Variants in ABCC6 observed in about 807,000 individuals in gnomAD.
ABCC6 encodes the protein ATP binding cassette subfamily C member 6, also known as ATP-binding cassette sub-family C member 6.
In ABCC6, 126 loss-of-function variants were observed where a neutral mutation model predicts 169.5. The ratio of observed to expected loss-of-function variants is 0.74; its 90% confidence interval spans 0.64 to 0.86. ABCC6 has a LOEUF of 0.86. Ranked by LOEUF, ABCC6 falls within the 40% of genes least tolerant of loss-of-function variation. The pLI is 0.00. For synonymous variants in ABCC6, 752 were observed against 814.7 expected (o/e 0.92, Z 1.31); for missense variants, 1,733 against 1,927.2 (o/e 0.90, Z 1.89).
intron 30 of ABCC6, 136 bp downstream of exon 30, chr16:16,150,442 G>A (rs984793182): frequency 1.3e-5 from 20 of 1,497,870 alleles, no homozygotes; most frequent in Admixed American, 6.2e-5. Flanking sequence ...ATGTGTTCCC[G>A]GGCATTCCTC....
Position 16,203,744 on chromosome 16 carries a change from A to T in ABCC6, c.795-131T>A, listed in dbSNP as rs1195619096. The T allele has an allele frequency of 2.0e-5, 20 of 996,852 alleles. No individual in the cohort carries two copies. In the Admixed American group the frequency reaches 3.4e-4, roughly 17 times the overall value. The allele number at this position is 996,852 out of a possible 1,614,324, so 61.8% of individuals were successfully genotyped here. On this transcript the variant is annotated intron_variant, in intron 7 of 30. Transcript: ENST00000205557. ...GGTGTGGATCTAGCCTGGCTCCCTC[A>T]CCTGTTCCTCCTTATCACCCTGAGT...
chr16:16,151,958 T>C (rs997534421), intron 29 of ABCC6, among the ~76,000 whole-genome samples: 19 of 151,776 alleles, frequency 1.3e-4, no homozygotes, highest in Admixed American at 1.1e-3. Flanking sequence ...TTTGGGAGGC[T>C]GAGGTGGGCG....
intron 6 of ABCC6, among the ~76,000 whole-genome samples, chr16:16,210,162 A>C (rs1267980854): frequency 6.6e-6 from 1 of 151,748 alleles, no homozygotes; most frequent in East Asian, 1.9e-4. Flanking sequence ...TTTGAGATGG[A>C]ATCTCACTCT....
chr16:16,182,262 C>T (rs73524038), intron 17 of ABCC6, 150 bp downstream of exon 17: 14,849 of 926,682 alleles, frequency 0.016, 246 homozygotes, highest in African/African-American at 0.052. Context: ...GCACCTAGCA[C>T]GTGCTTGACG....
chr16:16,210,821 C>T lies in ABCC6; in HGVS notation c.662+1364G>A, dbSNP rs530451263. Among the ~76,000 whole-genome samples, 60 of 152,234 alleles carry T rather than the reference C, an allele frequency of 3.9e-4. No homozygotes were observed. The South Asian group carries it at 4.8e-3, about 12-fold the overall frequency. ...ATTTAATAGCCATTTAGGCCGGGTG[C>T]GGTGGCTTATGCCTGTAATCCCAGC... On this transcript the variant is annotated intron_variant, in intron 6 of 30. Transcript: ENST00000205557.
chr16:16,221,736 G>C lies in ABCC6; in HGVS notation c.132C>G (p.Leu44=). 6.2e-7 allele frequency: 1 copy of C among 1,613,784 alleles called. No individual in the cohort carries two copies. The highest frequency in any genetic ancestry group is 8.5e-7 in the Non-Finnish European group (1 of 1,179,800). ...TAGVWVPPMY[L]WVLGPIYLLF... ...GGAGGTAGATGGGACCAAGGACCCA[G>C]AGGTACATGGGGGGTACCCAGACCC... The change falls in exon 2 of 31, where the codon CTC becomes CTG. Residue 44 remains leucine, a synonymous_variant. Coordinates refer to ENST00000205557, the MANE Select transcript of ABCC6 (RefSeq NM_001171.6).
intron 29 of ABCC6, among the ~76,000 whole-genome samples, chr16:16,151,866 G>T (rs114775439): frequency 6.6e-6 from 1 of 152,016 alleles, no homozygotes; most frequent in African/African-American, 2.4e-5. Context: ...TAATGGATCC[G>T]TCCTCGCTGA....
At position 16,157,722 on chromosome 16, in the gene ABCC6, G is replaced by C; in HGVS notation, c.3823C>G (p.Arg1275Gly). ...IEFRDFGLRYRPELPLAVQGV... is the reference protein window; with the variant it reads ...IEFRDFGLRYGPELPLAVQGV... ...TGCACAGCCAGCGGGAGCTCAGGTC[G>C]GTATCTTAGCCCAAAGTCCCGGAAC... The change falls in exon 27 of 31, where the codon CGA (arginine) becomes GGA (glycine). Residue 1275 changes from arginine to glycine, a missense_variant. Physicochemically the swap from Arg to Gly is moderately radical, Grantham distance 125. Around this residue, in one of 5 missense-constraint regions of ABCC6, gnomAD observed 1,601 missense variants for 1,635.5 expected, o/e 0.98. Transcript: ENST00000205557. The C allele has an allele frequency of 6.2e-7, 1 of 1,613,970 alleles. No individual in the cohort carries two copies. The highest frequency in any genetic ancestry group is 8.5e-7 in the Non-Finnish European group (1 of 1,179,950).
chr16:16,150,325 G>A lies in ABCC6; in HGVS notation c.4404-84C>T, dbSNP rs1246113604. The A allele has an allele frequency of 5.0e-6, 8 of 1,593,460 alleles. No individual in the cohort carries two copies. The Admixed American group carries it at 1.1e-4, about 21-fold the overall frequency. ...TGTGAGAGCCCAGTGTGTCTGCGCT[G>A]AGGTTTTCTCCATAGAAGTCCTGCT... On this transcript the variant is annotated intron_variant, in intron 30 of 30. Coordinates refer to ENST00000205557, the MANE Select transcript of ABCC6 (RefSeq NM_001171.6).
chr16:16,182,369 A>G, intron 17 of ABCC6, 43 bp downstream of exon 17: 1 of 1,611,706 alleles, frequency 6.2e-7, no homozygotes. Flanking sequence ...ATGACTCCCA[A>G]CTGCAATGTC....
intron 26 of ABCC6, among the ~76,000 whole-genome samples, 180 bp downstream of exon 26, chr16:16,159,302 C>A (rs1203174615): frequency 6.6e-6 from 1 of 152,170 alleles, no homozygotes; most frequent in African/African-American, 2.4e-5. Flanking sequence ...TGGCTCCAAA[C>A]CTTATGCTCC....
At chr16:16,151,894 C>T (rs72777646) in intron 29 of ABCC6, among the ~76,000 whole-genome samples, 1 of 152,014 alleles carries the variant, frequency 6.6e-6, no homozygotes, top group Non-Finnish European at 1.5e-5. Context: ...CGACATGGCA[C>T]ATAAAAGTGT....
chr16:16,175,498 C>T (rs970392235), intron 20 of ABCC6, among the ~76,000 whole-genome samples: 3 of 152,160 alleles, frequency 2.0e-5, no homozygotes, highest in African/African-American at 4.8e-5. Flanking sequence ...TTCTGGCCAG[C>T]GTCAAGTGAT....
intron 18 of ABCC6, 129 bp from the exon 19 acceptor site, chr16:16,177,755 T>G: frequency 8.8e-7 from 1 of 1,135,154 alleles, no homozygotes; most frequent in Admixed American, 1.9e-5. Flanking sequence ...CCAGCCTGGC[T>G]GACACGGCTA....
At position 16,198,110 on chromosome 16, in the gene ABCC6, C is replaced by A; in HGVS notation, c.1249G>T (p.Val417Leu). ...GDVVNLVSVD[V>L]QRLTESVLYL... ...AGGACGCTCTCGGTCAGCCGCTGCA[C>A]GTCCACGGACACCAGATTGACCACA... The change falls in exon 10 of 31, where the codon GTG becomes TTG. Residue 417 changes from valine (V) to leucine (L), a missense_variant. Physicochemically the swap from Val to Leu is conservative, Grantham distance 32. This residue lies in a region of ABCC6 where 1,601 missense variants were observed against 1,635.5 expected (regional missense o/e 0.98). Transcript: ENST00000205557. The A allele has an allele frequency of 1.2e-6, 2 of 1,613,060 alleles. No individual in the cohort carries two copies. The highest frequency in any genetic ancestry group is 8.5e-7 in the Non-Finnish European group (1 of 1,179,640).
intron 6 of ABCC6, among the ~76,000 whole-genome samples, chr16:16,210,375 G>A (rs1427409716): frequency 1.3e-5 from 2 of 152,120 alleles, no homozygotes; most frequent in African/African-American, 2.4e-5. Context: ...GACCTCAGGT[G>A]ATCCACCTGC....
chr16:16,173,546 A>G (rs539545593), intron 20 of ABCC6, 142 bp from the exon 21 acceptor site: 81 of 1,064,270 alleles, frequency 7.6e-5, no homozygotes, highest in Middle Eastern at 2.4e-4. Flanking sequence ...CTAACAGAAT[A>G]CTGACCAGAT....
chr16:16,167,572 C>T (rs1192047770), intron 22 of ABCC6, among the ~76,000 whole-genome samples: 1 of 152,178 alleles, frequency 6.6e-6, no homozygotes, highest in African/African-American at 2.4e-5. Context: ...CAGGTTCAAG[C>T]GATTCTCCTT....
intron 6 of ABCC6, among the ~76,000 whole-genome samples, chr16:16,211,315 C>G (rs1248715947): frequency 1.3e-5 from 2 of 150,256 alleles, no homozygotes; most frequent in African/African-American, 2.5e-5. Flanking sequence ...GCAGGAGAAT[C>G]GCTTGAACCC....
Sources: allele counts gnomAD v4.1 joint callset (sites outside exome capture counted in the v4.1 genomes callset), GRCh38; gene constraint gnomAD v4.1.1; regional missense constraint gnomAD v4.1.1; transcripts MANE v1.5; gene names NCBI Gene and HGNC (gene_info 2026-07-23, HGNC 2026-07-21).